RBFOX1: variants seen among roughly 807,000 people sequenced by gnomAD.
The protein encoded by RBFOX1 is RNA binding protein fox-1 homolog 1.
RBFOX1 carries 8 observed loss-of-function variants against 57.7 expected under a neutral mutation model. That is an observed-to-expected ratio of 0.14 (90% CI 0.08 to 0.25). RBFOX1 has a LOEUF of 0.25. RBFOX1 is among the 10% of genes least tolerant of loss of function. RBFOX1 has a pLI of 1.00. For missense variants in RBFOX1, 611 were observed against 548.5 expected (o/e 1.11, Z -1.14); for synonymous variants, 326 against 222.4 (o/e 1.47, Z -4.15).
chr16:7,670,554 G>A (rs2071060610), intron 13 of RBFOX1, among the ~76,000 whole-genome samples: 1 of 152,116 alleles, frequency 6.6e-6, no homozygotes, highest in Non-Finnish European at 1.5e-5. Context: ...TTAGACCACT[G>A]AGAATAATAT....
At chr16:5,460,698 T>C (rs563940178) in intron 1 of RBFOX1, among the ~76,000 whole-genome samples, 16 of 152,358 alleles carry the variant, frequency 1.1e-4, no homozygotes, top group East Asian at 3.9e-4. Context: ...TCAAAAGGGC[T>C]GACTGCTGTT....
At chr16:6,037,562 C>CTTTCTTTTT (rs1443225628) in intron 1 of RBFOX1, 12 of 148,386 alleles carry the variant, frequency 8.1e-5, no homozygotes, top group Admixed American at 6.7e-4. Flanking sequence ...AATGCATTTT[C>CTTTCTTTTT]TTTCTTTTTT....
At chr16:6,654,926 T>C (rs979858861) in intron 3 of RBFOX1, among the ~76,000 whole-genome samples, 1 of 152,092 alleles carries the variant, frequency 6.6e-6, no homozygotes, top group Non-Finnish European at 1.5e-5. Context: ...TTCAGGAAAA[T>C]ACTTTAACAC....
At chr16:6,049,625 C>T in intron 1 of RBFOX1, among the ~76,000 whole-genome samples, 1 of 152,164 alleles carries the variant, frequency 6.6e-6, no homozygotes, top group East Asian at 1.9e-4. Context: ...TTATGAATCT[C>T]ACCACTATTA....
intron 4 of RBFOX1, among the ~76,000 whole-genome samples, chr16:7,070,062 A>C (rs1027745063): frequency 2.6e-5 from 4 of 152,106 alleles, no homozygotes; most frequent in African/African-American, 9.7e-5. Flanking sequence ...CCTCTCTTGC[A>C]CAGTACATCA....
chr16:7,456,628 C>T (rs2058564093), intron 4 of RBFOX1, among the ~76,000 whole-genome samples: 1 of 152,176 alleles, frequency 6.6e-6, no homozygotes, highest in Admixed American at 6.5e-5. Context: ...TGGGAGAACA[C>T]ACCTTCACGT....
chr16:5,467,208 T>A (rs1392197983), intron 1 of RBFOX1: 4 of 1,488,778 alleles, frequency 2.7e-6, no homozygotes, highest in Admixed American at 2.0e-5. Context: ...TTTTTTTTTT[T>A]AATGCAGGAT....
At chr16:6,531,770 AT>A (rs1366902495) in intron 2 of RBFOX1, among the ~76,000 whole-genome samples, 2 of 152,182 alleles carry the variant, frequency 1.3e-5, no homozygotes, top group African/African-American at 4.8e-5. Context: ...CAAAGTAATT[AT>A]CCTTCGTGTA....
At chr16:6,072,980 C>A (rs1432944694) in intron 1 of RBFOX1, among the ~76,000 whole-genome samples, 1 of 152,142 alleles carries the variant, frequency 6.6e-6, no homozygotes, top group Non-Finnish European at 1.5e-5. Context: ...AATTATACCT[C>A]CATAAAACCA....
intron 1 of RBFOX1, among the ~76,000 whole-genome samples, chr16:6,021,699 C>A (rs1012169438): frequency 6.6e-6 from 1 of 152,182 alleles, no homozygotes; most frequent in Non-Finnish European, 1.5e-5. Flanking sequence ...GAGAGTGGAG[C>A]TTTATGGCTC....
intron 1 of RBFOX1, among the ~76,000 whole-genome samples, chr16:6,096,677 C>G (rs2096248632): frequency 6.6e-6 from 1 of 152,144 alleles, no homozygotes; most frequent in East Asian, 1.9e-4. Context: ...TTATCATGTA[C>G]CGATGTTTAA....
At chr16:7,039,335 A>G (rs991984474) in intron 3 of RBFOX1, among the ~76,000 whole-genome samples, 2 of 152,234 alleles carry the variant, frequency 1.3e-5, no homozygotes, top group Middle Eastern at 3.4e-3. Context: ...TCCTTTCAAA[A>G]CCAGACAAGA....
chr16:7,626,808 T>A (rs940636473), intron 10 of RBFOX1, among the ~76,000 whole-genome samples: 1 of 152,108 alleles, frequency 6.6e-6, no homozygotes. Flanking sequence ...AGGGTAGAAG[T>A]GGAGACTTGT....
At chr16:6,292,944 C>T (rs1331199877) in intron 1 of RBFOX1, among the ~76,000 whole-genome samples, 8 of 152,164 alleles carry the variant, frequency 5.3e-5, no homozygotes, top group Admixed American at 3.9e-4. Context: ...CTTAAGTACA[C>T]ACAGTGATAT....
intron 1 of RBFOX1, among the ~76,000 whole-genome samples, chr16:5,284,756 A>ATTTTTTTGTTTTTTTTTT (rs2063351611): frequency 1.6e-5 from 1 of 61,032 alleles, no homozygotes; most frequent in East Asian, 6.0e-4. Flanking sequence ...TTTGGCTTAG[A>ATTTTTTTGTTTTTTTTTT]TTTTTTTTTT....
At chr16:7,663,365 T>C (rs935990580) in intron 12 of RBFOX1, among the ~76,000 whole-genome samples, 1 of 152,160 alleles carries the variant, frequency 6.6e-6, no homozygotes, top group Admixed American at 6.5e-5. Context: ...CCAACCTCCT[T>C]AGTGTGTGAA....
At chr16:6,845,799 C>T (rs1429058174) in intron 3 of RBFOX1, among the ~76,000 whole-genome samples, 2 of 152,228 alleles carry the variant, frequency 1.3e-5, no homozygotes, top group Admixed American at 6.5e-5. Context: ...AAGGCTCTTT[C>T]ATATTTTAGA....
chr16:6,579,942 ATCTTTTTTTTGTTGTTTTT>A (rs2097510604), intron 2 of RBFOX1, among the ~76,000 whole-genome samples: 1 of 151,784 alleles, frequency 6.6e-6, no homozygotes, highest in African/African-American at 2.4e-5. Flanking sequence ...GGACCTGTTC[ATCTTTTTTTTGTTGTTTTT>A]TCTTTTTTCT....
At chr16:7,695,797 A>C (rs529776528) in intron 14 of RBFOX1, among the ~76,000 whole-genome samples, 1 of 152,300 alleles carries the variant, frequency 6.6e-6, no homozygotes, top group South Asian at 2.1e-4. Context: ...AGAGTTTGAC[A>C]AAAGACAAGT....
Sources: gnomAD v4.1 joint callset for allele counts (sites outside exome capture counted in the v4.1 genomes callset) on GRCh38, gnomAD v4.1.1 for gene constraint, MANE v1.5 for transcripts, NCBI Gene and HGNC (gene_info 2026-07-23, HGNC 2026-07-21) for gene names.